MTHFD2L: variants seen among roughly 807,000 people sequenced by gnomAD.
MTHFD2L encodes bifunctional methylenetetrahydrofolate dehydrogenase/cyclohydrolase 2, mitochondrial.
MTHFD2L carries 29 observed loss-of-function variants against 34.9 expected under a neutral mutation model. The observed-to-expected ratio is 0.83, with a 90% CI of 0.62 to 1.13. The LOEUF (loss-of-function observed/expected upper bound fraction) is 1.13, where lower values mean the gene tolerates loss of function less well. Among genes scored for constraint, MTHFD2L ranks in the 50% most tolerant of loss-of-function variants. The pLI is 0.00. For synonymous variants in MTHFD2L, 167 were observed against 155.7 expected (o/e 1.07, Z -0.54); for missense variants, 481 against 446.5 (o/e 1.08, Z -0.70).
intron 6 of MTHFD2L, among the ~76,000 whole-genome samples, chr4:74,228,951 G>A (rs984150393): frequency 9.9e-5 from 15 of 152,166 alleles, no homozygotes; most frequent in African/African-American, 3.6e-4. Context: ...CATACACCAT[G>A]CTAATACTAG....
intron 5 of MTHFD2L, among the ~76,000 whole-genome samples, chr4:74,212,955 C>G (rs1039182434): frequency 4.6e-5 from 7 of 151,678 alleles, no homozygotes; most frequent in Non-Finnish European, 1.0e-4. Context: ...TAATGCCCTT[C>G]TTTGTCTTTT....
chr4:74,232,504 T>C (rs1427999527), intron 6 of MTHFD2L, among the ~76,000 whole-genome samples: 1 of 152,110 alleles, frequency 6.6e-6, no homozygotes, highest in African/African-American at 2.4e-5. Context: ...GCCCAAAGCC[T>C]AAGTTACTAA....
intron 7 of MTHFD2L, among the ~76,000 whole-genome samples, chr4:74,285,165 A>G (rs1202636229): frequency 6.6e-6 from 1 of 151,878 alleles, no homozygotes; most frequent in East Asian, 1.9e-4. Context: ...ACAGGAAGGG[A>G]AACATCACAC....
At chr4:74,153,833 C>T (rs1724089120), upstream of MTHFD2L, among the ~76,000 whole-genome samples, 3 of 152,152 alleles carry the variant, frequency 2.0e-5, no homozygotes, top group South Asian at 6.2e-4. Context: ...CCATATGTCA[C>T]ACATCTAGTT....
At chr4:74,174,474 C>T (rs755625858) in intron 1 of MTHFD2L, 32 bp from the exon 2 acceptor site, 22 of 1,361,768 alleles carry the variant, frequency 1.6e-5, no homozygotes, top group Non-Finnish European at 2.1e-5. Flanking sequence ...TTCTTATTTT[C>T]TTTTTAGTAT....
upstream of MTHFD2L, among the ~76,000 whole-genome samples, chr4:74,153,399 T>C (rs746854125): frequency 1.4e-4 from 22 of 152,220 alleles, no homozygotes; most frequent in South Asian, 4.1e-4. Flanking sequence ...GGCATAAAAA[T>C]GTATTGTACT....
intron 3 of MTHFD2L, among the ~76,000 whole-genome samples, chr4:74,177,120 T>A (rs968162153): frequency 6.6e-6 from 1 of 152,000 alleles, no homozygotes; most frequent in South Asian, 2.1e-4. Flanking sequence ...ACATTAATGA[T>A]GTTAAAGTTA....
chr4:74,193,889 C>G (rs1208088169), intron 3 of MTHFD2L, among the ~76,000 whole-genome samples: 1 of 152,090 alleles, frequency 6.6e-6, no homozygotes, highest in Non-Finnish European at 1.5e-5. Flanking sequence ...ATTCTGATCT[C>G]TATGCCTCTT....
At chr4:74,253,764 C>T (rs774010417) in intron 6 of MTHFD2L, among the ~76,000 whole-genome samples, 3 of 152,148 alleles carry the variant, frequency 2.0e-5, no homozygotes, top group Non-Finnish European at 2.9e-5. Context: ...ACCTAGGCTT[C>T]AAACTACCCC....
chr4:74,272,829 C>A (rs1045676690), intron 6 of MTHFD2L, among the ~76,000 whole-genome samples: 1 of 152,144 alleles, frequency 6.6e-6, no homozygotes, highest in Non-Finnish European at 1.5e-5. Context: ...TCATCTGAAT[C>A]AGTGTTTACT....
intron 6 of MTHFD2L, among the ~76,000 whole-genome samples, chr4:74,250,554 A>G (rs1458177288): frequency 6.6e-6 from 1 of 152,178 alleles, no homozygotes. Context: ...GCAAATTTCT[A>G]TTGAAATATT....
At chr4:74,123,660 G>C (rs181704871), upstream of MTHFD2L, among the ~76,000 whole-genome samples, 67 of 152,000 alleles carry the variant, frequency 4.4e-4, no homozygotes, top group Admixed American at 1.5e-3. Context: ...ATGTAACTTA[G>C]AATGCTTCAA....
At chr4:74,205,691 G>T (rs1308237082) in intron 5 of MTHFD2L, among the ~76,000 whole-genome samples, 1 of 152,112 alleles carries the variant, frequency 6.6e-6, no homozygotes, top group Non-Finnish European at 1.5e-5. Flanking sequence ...AAGGAAGCAA[G>T]GAAGGAGTTA....
chr4:74,156,262 G>A (rs1332476924), upstream of MTHFD2L, among the ~76,000 whole-genome samples: 1 of 151,944 alleles, frequency 6.6e-6, no homozygotes, highest in Non-Finnish European at 1.5e-5. Flanking sequence ...TTAACCTTTG[G>A]CAACCACTGA....
At chr4:74,140,417 T>C (rs1481390338) in intron 1 of MTHFD2L, 8 of 329,852 alleles carry the variant, frequency 2.4e-5, no homozygotes, top group Non-Finnish European at 3.5e-5. Flanking sequence ...GGTAATTTTA[T>C]TAGTTTTAAT....
chr4:74,175,197 A>G (rs1350635406), intron 2 of MTHFD2L, 84 bp from the exon 3 acceptor site: 24 of 1,417,980 alleles, frequency 1.7e-5, no homozygotes, highest in Non-Finnish European at 2.1e-5. Context: ...GGCAGTAGGA[A>G]CAGTCCCACA....
chr4:74,285,686 A>G (rs1748083153), intron 7 of MTHFD2L, among the ~76,000 whole-genome samples: 1 of 152,170 alleles, frequency 6.6e-6, no homozygotes, highest in Non-Finnish European at 1.5e-5. Context: ...TTTAAAGGTC[A>G]CTAAACAAAT....
chr4:74,199,660 A>C, intron 3 of MTHFD2L, 134 bp from the exon 4 acceptor site: 1 of 699,512 alleles, frequency 1.4e-6, no homozygotes, highest in Non-Finnish European at 2.2e-6. Flanking sequence ...TAATAATAAT[A>C]ATAATAATAA....
chr4:74,221,543 G>C (rs905296098), intron 5 of MTHFD2L, among the ~76,000 whole-genome samples: 25 of 150,974 alleles, frequency 1.7e-4, no homozygotes, highest in African/African-American at 5.6e-4. Flanking sequence ...CTGAATTTTT[G>C]TTTGACAGAA....
Sources: gnomAD v4.1 joint callset for allele counts (sites outside exome capture counted in the v4.1 genomes callset) on GRCh38, gnomAD v4.1.1 for gene constraint, MANE v1.5 for transcripts, NCBI Gene and HGNC (gene_info 2026-07-23, HGNC 2026-07-21) for gene names.